The following CNTN5 variants were observed in gnomAD, a reference collection of about 807,000 sequenced individuals.
CNTN5 encodes the protein contactin-5.
In CNTN5, 77 loss-of-function variants were observed where a neutral mutation model predicts 129.1. The observed-to-expected ratio is 0.60, with a 90% CI of 0.50 to 0.72. The LOEUF is 0.72. Among genes scored for constraint, CNTN5 ranks in the 30% least tolerant of loss-of-function variants. The pLI is 0.00. For synonymous variants in CNTN5, 509 were observed against 465.6 expected (o/e 1.09, Z -1.20); for missense variants, 1,478 against 1,328.8 (o/e 1.11, Z -1.75).
chr11:100,099,440 C>A (rs1000395674), intron 13 of CNTN5, among the ~76,000 whole-genome samples: 2 of 152,082 alleles, frequency 1.3e-5, no homozygotes, highest in Admixed American at 1.3e-4. Context: ...CTCATTCCTG[C>A]ATCCTCTATT....
intron 3 of CNTN5, among the ~76,000 whole-genome samples, chr11:99,742,959 C>T (rs1180818727): frequency 6.6e-6 from 1 of 152,174 alleles, no homozygotes; most frequent in Non-Finnish European, 1.5e-5. Flanking sequence ...AGGACTTTAC[C>T]TACTGACATG....
At chr11:99,695,431 A>T (rs1457252561) in intron 3 of CNTN5, among the ~76,000 whole-genome samples, 2 of 152,144 alleles carry the variant, frequency 1.3e-5, no homozygotes, top group African/African-American at 2.4e-5. Flanking sequence ...AAAGGCTAAA[A>T]CTCAGAGACA....
chr11:99,531,997 A>G (rs1160058192), intron 2 of CNTN5, among the ~76,000 whole-genome samples: 3 of 152,006 alleles, frequency 2.0e-5, no homozygotes, highest in Non-Finnish European at 4.4e-5. Flanking sequence ...GAGCTCTGAG[A>G]AGAGGGCCAC....
intron 8 of CNTN5, among the ~76,000 whole-genome samples, chr11:99,966,456 A>C (rs573486058): frequency 2.6e-5 from 4 of 152,180 alleles, no homozygotes; most frequent in South Asian, 4.1e-4. Flanking sequence ...GCTTGAGCCC[A>C]CAGGACCAGA....
At chr11:99,125,411 T>C (rs905685292) in intron 1 of CNTN5, among the ~76,000 whole-genome samples, 2 of 151,962 alleles carry the variant, frequency 1.3e-5, no homozygotes, top group Admixed American at 6.6e-5. Context: ...CATCCCTGCA[T>C]GTTAAAAACC....
At chr11:99,511,763 T>C (rs1244899285) in intron 2 of CNTN5, among the ~76,000 whole-genome samples, 6 of 152,018 alleles carry the variant, frequency 3.9e-5, no homozygotes, top group Non-Finnish European at 8.8e-5. Context: ...ATGGCACATG[T>C]ATACATATGT....
chr11:100,079,125 G>T (rs930330957), intron 13 of CNTN5, among the ~76,000 whole-genome samples: 40 of 152,106 alleles, frequency 2.6e-4, no homozygotes, highest in African/African-American at 9.4e-4. Context: ...CCACTCCCGT[G>T]ATTCAGTTAC....
At chr11:99,787,463 A>T (rs1238876722) in intron 3 of CNTN5, among the ~76,000 whole-genome samples, 1 of 151,294 alleles carries the variant, frequency 6.6e-6, no homozygotes, top group Non-Finnish European at 1.5e-5. Flanking sequence ...GTGAGAATGT[A>T]TTTGAGGTTT....
At chr11:99,475,248 C>T (rs1945326699) in intron 2 of CNTN5, among the ~76,000 whole-genome samples, 2 of 152,216 alleles carry the variant, frequency 1.3e-5, no homozygotes, top group African/African-American at 4.8e-5. Flanking sequence ...ACAATTTCGT[C>T]TCCATGTCTC....
intron 13 of CNTN5, among the ~76,000 whole-genome samples, chr11:100,166,343 T>C (rs1297796069): frequency 6.6e-6 from 1 of 151,756 alleles, no homozygotes; most frequent in Non-Finnish European, 1.5e-5. Context: ...CCCCGGCATA[T>C]GAAAATGTTC....
intron 13 of CNTN5, among the ~76,000 whole-genome samples, chr11:100,095,245 CTA>C (rs1363962523): frequency 5.5e-4 from 84 of 152,122 alleles, no homozygotes; most frequent in African/African-American, 2.0e-3. Flanking sequence ...AAAACCTAGA[CTA>C]TGTTTTTATG....
At chr11:99,612,173 C>G (rs996577509) in intron 3 of CNTN5, among the ~76,000 whole-genome samples, 1 of 152,174 alleles carries the variant, frequency 6.6e-6, no homozygotes, top group East Asian at 1.9e-4. Context: ...AACTGAGACT[C>G]ATAATTGTTC....
At chr11:99,102,734 G>A (rs544091124) in intron 1 of CNTN5, among the ~76,000 whole-genome samples, 1 of 152,186 alleles carries the variant, frequency 6.6e-6, no homozygotes, top group Non-Finnish European at 1.5e-5. Context: ...CAAGTCTCTG[G>A]GAAGTTACAA....
chr11:100,079,317 A>G (rs1292914004), intron 13 of CNTN5, among the ~76,000 whole-genome samples: 7 of 152,156 alleles, frequency 4.6e-5, no homozygotes, highest in Admixed American at 4.6e-4. Context: ...TTCTTTCTCC[A>G]GTCATTAAGG....
rs367933769 is a variant in CNTN5 at position 100,302,162 on chromosome 11, C to CT, written c.2620+2772dup. ...ACAATAAAAAGGGAAAATCAACATT[C>CT]TTTTTTAGTCACTTCGCAATTTGCT... On this transcript the variant is annotated intron_variant, in intron 20 of 24. Coordinates refer to ENST00000524871, the MANE Select transcript of CNTN5 (RefSeq NM_014361.4). Among the ~76,000 whole-genome samples, 393 of 151,664 alleles carry CT rather than the reference C, an allele frequency of 2.6e-3. 3 individuals carry two copies. The highest frequency in any genetic ancestry group is 8.8e-3 in the African/African-American group (366 of 41,436).
chr11:99,216,896 A>C (rs1860153913), intron 1 of CNTN5, among the ~76,000 whole-genome samples: 1 of 152,138 alleles, frequency 6.6e-6, no homozygotes, highest in Non-Finnish European at 1.5e-5. Flanking sequence ...TAATAATTAA[A>C]GTATACGGCC....
At chr11:100,147,432 TC>T (rs1946889174) in intron 13 of CNTN5, among the ~76,000 whole-genome samples, 1 of 152,014 alleles carries the variant, frequency 6.6e-6, no homozygotes, top group Admixed American at 6.6e-5. Context: ...TCTCATGGTA[TC>T]TTGCCTCAGT....
intron 9 of CNTN5, among the ~76,000 whole-genome samples, chr11:100,010,434 G>A (rs890986666): frequency 6.6e-6 from 1 of 152,052 alleles, no homozygotes; most frequent in Non-Finnish European, 1.5e-5. Context: ...TCCTGAAAGT[G>A]TTGGGAAAAA....
intron 3 of CNTN5, among the ~76,000 whole-genome samples, chr11:99,797,227 A>G (rs1406342244): frequency 1.3e-5 from 2 of 152,138 alleles, no homozygotes; most frequent in East Asian, 3.8e-4. Context: ...GTGCAGGCGT[A>G]ATTTTTGTAA....
Sources: allele counts gnomAD v4.1 joint callset (sites outside exome capture counted in the v4.1 genomes callset), GRCh38; gene constraint gnomAD v4.1.1; transcripts MANE v1.5; gene names NCBI Gene and HGNC (gene_info 2026-07-23, HGNC 2026-07-21).